Variants in UNC5D observed in about 807,000 individuals in gnomAD.
UNC5D encodes netrin receptor UNC5D.
Under a neutral mutation model 105.4 loss-of-function variants are expected in UNC5D, and 39 were observed. The observed-to-expected ratio is 0.37, with a 90% CI of 0.29 to 0.48. The LOEUF (loss-of-function observed/expected upper bound fraction) is 0.48, where lower values mean the gene tolerates loss of function less well. Among genes scored for constraint, UNC5D ranks in the 20% least tolerant of loss-of-function variants. The probability of loss-of-function intolerance (pLI) is 0.98; values close to 1 mark genes in which losing one functional copy is unlikely to be tolerated. For missense variants in UNC5D, 991 were observed against 1,202.4 expected (o/e 0.82, Z 2.60); for synonymous variants, 452 against 450.4 (o/e 1.00, Z -0.04).
At position 35,464,962 on chromosome 8, in the gene UNC5D, A is replaced by T. The variant is rs1185872284; in HGVS notation, c.104-84330A>T. The stretch of plus-strand genomic sequence containing the variant: ...CTGCCACTTCCTTCATGCAATCCCC[A>T]TATGAGTTCTGGCACTTATCTGTCA... On this transcript the variant is annotated intron_variant, in intron 1 of 16. Coordinates refer to ENST00000404895, the MANE Select transcript of UNC5D (RefSeq NM_080872.4). Among the ~76,000 whole-genome samples, 5 of 152,292 alleles carry T rather than the reference A, an allele frequency of 3.3e-5. No homozygotes were observed. The South Asian group carries it at 8.3e-4, about 25-fold the overall frequency.
At chr8:35,375,258 A>G (rs929129287) in intron 1 of UNC5D, among the ~76,000 whole-genome samples, 1 of 152,202 alleles carries the variant, frequency 6.6e-6, no homozygotes, top group Non-Finnish European at 1.5e-5. Context: ...TGGAATCACA[A>G]AGTAATTGAA....
intron 15 of UNC5D, among the ~76,000 whole-genome samples, chr8:35,769,209 T>C (rs1165770966): frequency 6.6e-6 from 1 of 152,184 alleles, no homozygotes; most frequent in Non-Finnish European, 1.5e-5. Context: ...GCATGAACTT[T>C]CTTGTCCAAG....
chr8:35,713,627 A>T (rs972172943), intron 8 of UNC5D, among the ~76,000 whole-genome samples: 5 of 152,208 alleles, frequency 3.3e-5, no homozygotes, highest in Non-Finnish European at 7.3e-5. Flanking sequence ...TCATTTGTTC[A>T]ATCTGGCTAG....
At chr8:35,556,832 G>A (rs1190233173) in intron 2 of UNC5D, among the ~76,000 whole-genome samples, 1 of 152,146 alleles carries the variant, frequency 6.6e-6, no homozygotes. Flanking sequence ...TAGAGACTAG[G>A]AATGCATATC....
At chr8:35,767,146 C>T (rs1173411557) in intron 15 of UNC5D, 80 bp downstream of exon 15, 9 of 1,455,000 alleles carry the variant, frequency 6.2e-6, no homozygotes, top group African/African-American at 5.6e-5. Flanking sequence ...ACCAGCCGTG[C>T]TATTCAGGTT....
intron 1 of UNC5D, among the ~76,000 whole-genome samples, chr8:35,465,689 C>T (rs879028703): frequency 2.0e-5 from 3 of 152,138 alleles, no homozygotes; most frequent in Admixed American, 1.3e-4. Context: ...CAGAGATATC[C>T]TAATCCCTGA....
At chr8:35,699,883 G>T (rs1827065132) in intron 7 of UNC5D, among the ~76,000 whole-genome samples, 1 of 152,132 alleles carries the variant, frequency 6.6e-6, no homozygotes, top group Admixed American at 6.6e-5. Flanking sequence ...ATCTAGAGAT[G>T]GGTTATATCT....
At chr8:35,426,788 T>C (rs1806278428) in intron 1 of UNC5D, among the ~76,000 whole-genome samples, 1 of 152,174 alleles carries the variant, frequency 6.6e-6, no homozygotes, top group South Asian at 2.1e-4. Context: ...ACCATTATTG[T>C]TAGCTAGACC....
chr8:35,614,782 G>A (rs150330156), intron 4 of UNC5D, among the ~76,000 whole-genome samples: 86 of 152,170 alleles, frequency 5.7e-4, no homozygotes, highest in Middle Eastern at 3.4e-3. Flanking sequence ...CTTTTGACAC[G>A]TCTTTAGCTG....
intron 1 of UNC5D, among the ~76,000 whole-genome samples, chr8:35,249,588 AT>A (rs1803549538): frequency 6.8e-6 from 1 of 146,756 alleles, no homozygotes; most frequent in Non-Finnish European, 1.5e-5. Context: ...AATAATAATA[AT>A]AATAATAATA....
In UNC5D at chr8:35,247,116, A is replaced by C. The variant is rs1803155471; in HGVS notation, c.103+11229A>C. ...GTGTTGTCCTTGCCTCTTCCCTTTCAGGCTTATAATAACAAAAGTAATCAA... is the reference window on the plus strand; with the variant it reads ...GTGTTGTCCTTGCCTCTTCCCTTTCCGGCTTATAATAACAAAAGTAATCAA... On this transcript the variant is annotated intron_variant, in intron 1 of 16. Transcript: ENST00000404895. Among the ~76,000 whole-genome samples, 4 of 152,118 alleles carry C rather than the reference A, an allele frequency of 2.6e-5. No individual in the cohort carries two copies. In the South Asian group the frequency reaches 8.3e-4, roughly 32 times the overall value.
chr8:35,540,441 A>AGG (rs34099157), intron 1 of UNC5D, among the ~76,000 whole-genome samples: 8 of 132,004 alleles, frequency 6.1e-5, no homozygotes, highest in Non-Finnish European at 7.8e-5. Flanking sequence ...CACAAAGCAG[A>AGG]GGGGTGTGTG....
intron 12 of UNC5D, 28 bp downstream of exon 12, chr8:35,748,723 C>G: frequency 1.2e-6 from 2 of 1,605,376 alleles, no homozygotes; most frequent in Non-Finnish European, 8.5e-7. Flanking sequence ...CTTTTTTAAA[C>G]AGTGGGATTT....
chr8:35,366,375 A>G (rs1802126873), intron 1 of UNC5D, among the ~76,000 whole-genome samples: 2 of 151,688 alleles, frequency 1.3e-5, no homozygotes, highest in South Asian at 4.2e-4. Context: ...CTCGCCCTCC[A>G]CTCCAAACAT....
intron 1 of UNC5D, among the ~76,000 whole-genome samples, chr8:35,246,722 A>C (rs1426458752): frequency 1.3e-5 from 2 of 152,156 alleles, no homozygotes; most frequent in Non-Finnish European, 2.9e-5. Flanking sequence ...TTTGTCTCAA[A>C]TCAATGACTT....
At chr8:35,509,230 A>C (rs1812530704) in intron 1 of UNC5D, among the ~76,000 whole-genome samples, 1 of 151,966 alleles carries the variant, frequency 6.6e-6, no homozygotes, top group South Asian at 2.1e-4. Flanking sequence ...AGGGAGTATC[A>C]GAATCACAGG....
chr8:35,472,328 G>A (rs1467380017), intron 1 of UNC5D, among the ~76,000 whole-genome samples: 1 of 152,108 alleles, frequency 6.6e-6, no homozygotes, highest in Non-Finnish European at 1.5e-5. Flanking sequence ...ATGGTGTGAT[G>A]AGTGACTTCT....
intron 1 of UNC5D, among the ~76,000 whole-genome samples, chr8:35,413,617 A>G (rs929033092): frequency 2.6e-5 from 4 of 152,014 alleles, no homozygotes; most frequent in African/African-American, 9.7e-5. Flanking sequence ...GAAGTAGTCA[A>G]TTTGATCTTG....
chr8:35,248,237 A>G (rs62651824), intron 1 of UNC5D, among the ~76,000 whole-genome samples: 13,501 of 49,358 alleles, frequency 0.27, 3,583 homozygotes, highest in Middle Eastern at 0.4. Context: ...TGTTATATAA[A>G]ATATATAATA....
Sources: allele counts gnomAD v4.1 joint callset (sites outside exome capture counted in the v4.1 genomes callset), GRCh38; gene constraint gnomAD v4.1.1; transcripts MANE v1.5; gene names NCBI Gene and HGNC (gene_info 2026-07-23, HGNC 2026-07-21).